The following TBC1D24 variants were observed in gnomAD, a reference collection of about 807,000 sequenced individuals.
TBC1D24 encodes Infantile myoclonic epilepsy.
A neutral mutation model predicts 50.7 loss-of-function variants in TBC1D24; 47 were observed. The ratio of observed to expected loss-of-function variants is 0.93; its 90% CI spans 0.73 to 1.18. The LOEUF (loss-of-function observed/expected upper bound fraction) is 1.18, where lower values mean the gene tolerates loss of function less well. TBC1D24 is among the 50% of genes most tolerant of loss of function. The pLI, the probability that TBC1D24 is intolerant of heterozygous loss-of-function variation, is 0.00. For synonymous variants in TBC1D24, 324 were observed against 335.2 expected, an observed-to-expected ratio of 0.97 and a Z score of 0.36; for missense variants, 688 against 766.5, an observed-to-expected ratio of 0.90 and a Z score of 1.21.
rs199865687 is a variant in TBC1D24 at position 2,500,357 on chromosome 16, C to T, written c.1392C>T (p.Thr464=). 1.5e-4 allele frequency: 248 copies of T among 1,609,718 alleles called. 4 individuals carry two copies. The East Asian group carries it at 4.7e-3, about 30-fold the overall frequency. The part of the protein sequence containing the change: ...KPPPLMAAEP[T]APLSHSASSD... ...CACCCTTGATGGCTGCCGAGCCCACCGCCCCACTCAGCCACTCCGCCTCCT... is the reference window on the plus strand; with the variant it reads ...CACCCTTGATGGCTGCCGAGCCCACTGCCCCACTCAGCCACTCCGCCTCCT... Residue 464 remains threonine (T), a synonymous_variant, in exon 7 of 8, where the codon ACC becomes ACT. Transcript: ENST00000646147. The surrounding 1 kb of genome is among the most constrained non-coding windows in gnomAD (Gnocchi z 8.0).
rs1384515555 is a variant in TBC1D24, at chr16:2,486,030, T to C, written c.-115-10004T>C. Among the ~76,000 whole-genome samples, 1 of 152,208 alleles carries C rather than the reference T, an allele frequency of 6.6e-6. No individual in the cohort carries two copies. The highest frequency in any genetic ancestry group is 2.4e-5 in the African/African-American group (1 of 41,450). On this transcript the variant is annotated intron_variant, in intron 1 of 7. Transcript: ENST00000646147. The surrounding 1 kb of genome is among the most constrained non-coding windows in gnomAD (Gnocchi z 5.8). The stretch of plus-strand genomic sequence containing the variant: ...CGCGCCCGGGCTGGAATGCCTGTGC[T>C]GCCCTCCCCTGCCTGGCGGGTGGGG...
In TBC1D24 at chr16:2,475,908, G is replaced by GC. The variant is rs1274990127; in HGVS notation, c.-116+743dup. Among the ~76,000 whole-genome samples, 1 of 152,240 alleles carries GC rather than the reference G, an allele frequency of 6.6e-6. No homozygotes were observed. The highest frequency in any genetic ancestry group is 6.5e-5 in the Admixed American group (1 of 15,294). ...GTGCCCCGCAGGGAAACGCGCTGTG[G>GC]CCCCCGGGTTACTGCTTGCGGGGGT... On this transcript the variant is annotated intron_variant, in intron 1 of 7. Transcript: ENST00000646147. The surrounding 1 kb of genome is among the most constrained non-coding windows in gnomAD (Gnocchi z 4.2).
chr16:2,492,991 C>G (rs189740409), intron 1 of TBC1D24, among the ~76,000 whole-genome samples: 104 of 151,988 alleles, frequency 6.8e-4, no homozygotes, highest in African/African-American at 2.4e-3. Flanking sequence ...ACTTGGGAGG[C>G]TGAGGCAGGG....
intron 1 of TBC1D24, chr16:2,479,834 GT>G (rs901642419): frequency 2.7e-5 from 4 of 149,870 alleles, no homozygotes; most frequent in Admixed American, 6.7e-5. Context: ...TTTGTTAATT[GT>G]TTTTTTTTTC....
chr16:2,479,834 G>GC (rs1555500083), intron 1 of TBC1D24: 2 of 149,784 alleles, frequency 1.3e-5, no homozygotes, highest in African/African-American at 2.5e-5. Context: ...TTTGTTAATT[G>GC]TTTTTTTTTT....
rs2065822573 is a variant in TBC1D24 at position 2,504,791 on chromosome 16, T to G, written c.*3833T>G. ...TACAGTTGTTTACTTTCTCACATTT[T>G]TACTAAGTCCAGAATATCATCAAAC... On this transcript the variant is annotated 3_prime_UTR_variant, in exon 8 of 8. Transcript: ENST00000646147. 6.6e-6 allele frequency: 1 copy of G among 152,064 alleles called. No individual in the cohort carries two copies. The highest frequency in any genetic ancestry group is 2.4e-5 in the African/African-American group (1 of 41,376). The allele number at this position is 152,064 out of a possible 1,614,324, so 9.4% of individuals were successfully genotyped here. A position where few individuals can be genotyped will look rare whatever the true frequency, so the allele number is the denominator to read the frequency against.
intron 1 of TBC1D24, chr16:2,493,735 G>A (rs139652483): frequency 6.6e-6 from 1 of 152,168 alleles, no homozygotes; most frequent in South Asian, 2.1e-4. Context: ...AGCAAACCTT[G>A]CACTTCTGTG....
rs914870692 is a variant in TBC1D24 at position 2,500,655 on chromosome 16, G to C, written c.1526-149G>C. Reference sequence around the variant, plus strand: ...GGGCTGGAAGGGAGAGACCAGCCTGGACAGCTGGTCCTGGGGGCTATGGAG... The same window carrying C: ...GGGCTGGAAGGGAGAGACCAGCCTGCACAGCTGGTCCTGGGGGCTATGGAG... On this transcript the variant is annotated intron_variant, in intron 7 of 7. Coordinates refer to ENST00000646147, the MANE Select transcript of TBC1D24 (RefSeq NM_001199107.2). This position sits in a 1 kb window ranked among gnomAD's most constrained non-coding sequence, Gnocchi z 8.0. 2.3e-6 allele frequency: 3 copies of C among 1,302,812 alleles called. No individual in the cohort carries two copies. The African/African-American group carries it at 4.4e-5, about 19-fold the overall frequency. The allele number at this position is 1,302,812 out of a possible 1,614,324, so 80.7% of individuals were successfully genotyped here. A position where few individuals can be genotyped will look rare whatever the true frequency, so the allele number is the denominator to read the frequency against.
chr16:2,498,208 CG>C, intron 3 of TBC1D24, 29 bp from the exon 4 acceptor site: 1 of 1,574,356 alleles, frequency 6.4e-7, no homozygotes, highest in Non-Finnish European at 8.6e-7. Context: ...GACGTGCCTT[CG>C]GGCTCTGACC....
At chr16:2,492,911 G>C (rs1316515041) in intron 1 of TBC1D24, among the ~76,000 whole-genome samples, 1 of 151,802 alleles carries the variant, frequency 6.6e-6, no homozygotes, top group African/African-American at 2.4e-5. Flanking sequence ...TGACCAACAT[G>C]GACAATCCCT....
rs1289466282 is a variant in TBC1D24, at chr16:2,504,604, A to C, written c.*3646A>C. 6.6e-6 allele frequency: 1 copy of C among 152,004 alleles called. No homozygotes were observed. The highest frequency in any genetic ancestry group is 1.9e-4 in the East Asian group (1 of 5,198). The allele number at this position is 152,004 out of a possible 1,614,324, so 9.4% of individuals were successfully genotyped here. On this transcript the variant is annotated 3_prime_UTR_variant, in exon 8 of 8. Coordinates refer to ENST00000646147, the MANE Select transcript of TBC1D24 (RefSeq NM_001199107.2). ...CGGCTAATTTTTTTATATTTTTAGTAGAGATGGGGTTTCACCGTGTTAGCC... is the reference window on the plus strand; with the variant it reads ...CGGCTAATTTTTTTATATTTTTAGTCGAGATGGGGTTTCACCGTGTTAGCC...
chr16:2,501,162 C>G lies in TBC1D24; in HGVS notation c.*204C>G. The G allele has an allele frequency of 4.6e-6, 3 of 651,694 alleles. No homozygotes were observed. The highest frequency in any genetic ancestry group is 7.9e-6 in the Non-Finnish European group (3 of 381,360). The allele number at this position is 651,694 out of a possible 1,614,324, so 40.4% of individuals were successfully genotyped here. A position where few individuals can be genotyped will look rare whatever the true frequency, so the allele number is the denominator to read the frequency against. On this transcript the variant is annotated 3_prime_UTR_variant, in exon 8 of 8. Coordinates refer to ENST00000646147, the MANE Select transcript of TBC1D24 (RefSeq NM_001199107.2). ...CTGGGCTTCCCCAGTCCACCTGCAT[C>G]TGGGTCAGAGCTGGAGGGCCTGCTG... is the stretch of plus-strand genomic sequence containing the variant.
chr16:2,498,646 C>T (rs891378887), intron 4 of TBC1D24, among the ~76,000 whole-genome samples: 1 of 152,234 alleles, frequency 6.6e-6, no homozygotes, highest in African/African-American at 2.4e-5. Flanking sequence ...AGGATCCCCA[C>T]CTTGGAGCTC....
chr16:2,498,445 G>C (rs1027515951), intron 4 of TBC1D24, 49 bp downstream of exon 4: 1 of 1,546,024 alleles, frequency 6.5e-7, no homozygotes, highest in African/African-American at 1.4e-5. Flanking sequence ...CCAGCCACGT[G>C]TCCTGCCCAC....
In TBC1D24 at chr16:2,475,730, C is replaced by T. The variant is rs1013170215; in HGVS notation, c.-116+560C>T. On this transcript the variant is annotated intron_variant, in intron 1 of 7. Coordinates refer to ENST00000646147, the MANE Select transcript of TBC1D24 (RefSeq NM_001199107.2). The surrounding 1 kb of genome is among the most constrained non-coding windows in gnomAD (Gnocchi z 4.2). ...TGCGCCGTGCCAGGCGGCCGCTGTC[C>T]TTCGGGCCCTGGGAGGTGGAAGCCA... Among the ~76,000 whole-genome samples, 2 of 152,156 alleles carry T rather than the reference C, an allele frequency of 1.3e-5. No individual in the cohort carries two copies. Among genetic ancestry groups the T allele is most frequent in the African/African-American group, 4.8e-5 (2 of 41,450 alleles).
chr16:2,496,977 G>T lies in TBC1D24; in HGVS notation c.829G>T (p.Ala277Ser), dbSNP rs754019727. Reference sequence around the variant, plus strand: ...CATCCGCACGTTCGTCAGAGACATCGCGAAGACGGTGTCCCCTGAGAAGCT... The same window carrying T: ...CATCCGCACGTTCGTCAGAGACATCTCGAAGACGGTGTCCCCTGAGAAGCT... ...QDIRTFVRDI[A>S]KTVSPEKLLE... Residue 277 changes from alanine to serine, a missense_variant, in exon 2 of 8, where the codon GCG (alanine) becomes TCG (serine). By Grantham distance (99) the Ala-to-Ser change is moderately conservative. Coordinates refer to ENST00000646147, the MANE Select transcript of TBC1D24 (RefSeq NM_001199107.2). The T allele has an allele frequency of 3.1e-6, 5 of 1,613,992 alleles. No homozygotes were observed. The Admixed American group carries it at 8.3e-5, about 27-fold the overall frequency.
In TBC1D24 at chr16:2,497,596, G is replaced by A. The variant is rs910747140; in HGVS notation, c.966-114G>A. The stretch of plus-strand genomic sequence containing the variant: ...CCACGCTGCGGCCTGTTGGCGTGCA[G>A]CCCTCTTTCTTCTGGGCCAGCAAAG... On this transcript the variant is annotated intron_variant, in intron 2 of 7. Transcript: ENST00000646147. The A allele has an allele frequency of 8.4e-6, 9 of 1,065,884 alleles. No individual in the cohort carries two copies. The African/African-American group carries it at 9.4e-5, about 11-fold the overall frequency. 66.0% of individuals were successfully genotyped at this position (1,065,884 alleles called of 1,614,324 possible).
In TBC1D24 at chr16:2,485,104, A is replaced by G. The variant is rs1016421801; in HGVS notation, c.-116+9934A>G. The G allele has an allele frequency of 5.9e-5, 9 of 151,902 alleles. No homozygotes were observed. The highest frequency in any genetic ancestry group is 2.2e-4 in the African/African-American group (9 of 41,266). 9.4% of individuals were successfully genotyped at this position (151,902 alleles called of 1,614,324 possible). A position where few individuals can be genotyped will look rare whatever the true frequency, so the allele number is the denominator to read the frequency against. ...CAGCACCTCTGTGATGTTGTGAAAT[A>G]TCTATTTGGTCTTTGTCCTTGTTTA... On this transcript the variant is annotated intron_variant, in intron 1 of 7. Transcript: ENST00000646147. This position sits in a 1 kb window ranked among gnomAD's most constrained non-coding sequence, Gnocchi z 4.6.
In TBC1D24 at chr16:2,488,939, G is replaced by A. The variant is rs1187368250; in HGVS notation, c.-115-7095G>A. Reference sequence around the variant, plus strand: ...AAAAAAATTAGCTGAGCGTGGTGGCGCGTGCCTGTAGTCCCAGCTACTTGG... The same window carrying A: ...AAAAAAATTAGCTGAGCGTGGTGGCACGTGCCTGTAGTCCCAGCTACTTGG... On this transcript the variant is annotated intron_variant, in intron 1 of 7. Transcript: ENST00000646147. Among the ~76,000 whole-genome samples, 10 of 150,602 alleles carry A rather than the reference G, an allele frequency of 6.6e-5. 1 individual carries two copies. The South Asian group carries it at 1.0e-3, about 16-fold the overall frequency.
Sources: allele counts gnomAD v4.1 joint callset (sites outside exome capture counted in the v4.1 genomes callset), GRCh38; gene constraint gnomAD v4.1.1; non-coding constraint Gnocchi (gnomAD v3.1); transcripts MANE v1.5; gene names NCBI Gene and HGNC (gene_info 2026-07-23, HGNC 2026-07-21).